Variants in CTRB2 observed in about 807,000 individuals in gnomAD.
CTRB2 encodes chymotrypsin B2.
A neutral mutation model predicts 19.3 loss-of-function variants in CTRB2; 9 were observed. That is an observed-to-expected ratio of 0.47 (90% CI 0.28 to 0.81). The LOEUF (loss-of-function observed/expected upper bound fraction) is 0.81, where lower values mean the gene tolerates loss of function less well. Ranked by LOEUF, CTRB2 falls within the 40% of genes least tolerant of loss-of-function variation. CTRB2 has a pLI of 0.11. For synonymous variants in CTRB2, 98 were observed against 117.3 expected (o/e 0.84, Z 1.06); for missense variants, 210 against 269.7 (o/e 0.78, Z 1.55).
At chr16:75,204,687 G>A in intron 6 of CTRB2, 86 bp downstream of exon 6, 2 of 1,547,034 alleles carry the variant, frequency 1.3e-6, no homozygotes, top group East Asian at 2.4e-5. Context: ...TGTGGGGTTA[G>A]TAGATGAGAG....
intron 1 of CTRB2, 152 bp downstream of exon 1, chr16:75,206,938 C>T: frequency 4.1e-6 from 3 of 737,806 alleles, no homozygotes; most frequent in East Asian, 2.8e-5. Context: ...GACCTCTCAG[C>T]GCCCACGGCA....
At chr16:75,204,486 G>A (rs1438663046) in intron 6 of CTRB2, among the ~76,000 whole-genome samples, 164 bp from the exon 7 acceptor site, 2 of 152,152 alleles carry the variant, frequency 1.3e-5, no homozygotes, top group Non-Finnish European at 2.9e-5. Flanking sequence ...CCCCCACTCT[G>A]CCATGCACTC....
At chr16:75,206,378 A>G in intron 1 of CTRB2, 185 bp from the exon 2 acceptor site, 2 of 640,066 alleles carry the variant, frequency 3.1e-6, no homozygotes, top group Non-Finnish European at 5.3e-6. Flanking sequence ...AACTGAGTCC[A>G]ATGAACTGGG....
rs2038870649 is a variant in CTRB2, at chr16:75,204,435, G to C, written c.631-113C>G. 5 of 1,099,112 alleles carry C rather than the reference G, an allele frequency of 4.5e-6. No individual in the cohort carries two copies. The South Asian group carries it at 7.4e-5, about 16-fold the overall frequency. 68.1% of individuals were successfully genotyped at this position (1,099,112 alleles called of 1,614,324 possible). The stretch of plus-strand genomic sequence containing the variant: ...CGGAGAAATGGTAAGCATGGGCATA[G>C]GGGCTGTGCCGGGGTCCTGAGATCT... On this transcript the variant is annotated intron_variant, in intron 6 of 6. Coordinates refer to ENST00000303037, the MANE Select transcript of CTRB2 (RefSeq NM_001025200.4).
intron 1 of CTRB2, chr16:75,206,706 G>C (rs1029420717): frequency 2.7e-6 from 1 of 365,220 alleles, no homozygotes; most frequent in South Asian, 2.4e-5. Flanking sequence ...TGGACTGAAC[G>C]GTGCCAAGCC....
chr16:75,207,044 A>T (rs1187532660), intron 1 of CTRB2, 46 bp downstream of exon 1: 2 of 1,528,880 alleles, frequency 1.3e-6, no homozygotes, highest in South Asian at 1.2e-5. Flanking sequence ...CGGGGCTGGG[A>T]GTGAGAGGAG....
chr16:75,206,980 A>G lies in CTRB2; in HGVS notation c.52+110T>C, dbSNP rs538212540. On this transcript the variant is annotated intron_variant, in intron 1 of 6. Transcript: ENST00000303037. ...GAGCCGGTGACTCGCCCAGGCCCAC[A>G]CTGCGGTGCACAGCTGAACTGGGAG... The G allele has an allele frequency of 8.6e-5, 91 of 1,059,106 alleles. No individual in the cohort carries two copies. In the African/African-American group the frequency reaches 1.1e-3, roughly 13 times the overall value. The allele number at this position is 1,059,106 out of a possible 1,614,324, so 65.6% of individuals were successfully genotyped here. A position where few individuals can be genotyped will look rare whatever the true frequency, so the allele number is the denominator to read the frequency against.
Position 75,205,466 on chromosome 16 carries a change from G to A in CTRB2, c.363C>T (p.Ile121=). 2.0e-6 allele frequency: 1 copy of A among 491,226 alleles called. No homozygotes were observed. Among genetic ancestry groups the A allele is most frequent in the South Asian group, 2.3e-5 (1 of 43,342 alleles). 30.4% of individuals were successfully genotyped at this position (491,226 alleles called of 1,614,324 possible). ...CAGGTGTGGCCAGCTTCAGCAGGGTGATGTCATTGTTCACGGTCAGAATGC... is the reference window on the plus strand; with the variant it reads ...CAGGTGTGGCCAGCTTCAGCAGGGTAATGTCATTGTTCACGGTCAGAATGC... ...KFSILTVNND[I]TLLKLATPAR... Residue 121 remains isoleucine (I), a synonymous_variant, in exon 5 of 7, where the codon ATC becomes ATT. Coordinates refer to ENST00000303037, the MANE Select transcript of CTRB2 (RefSeq NM_001025200.4).
Position 75,204,387 on chromosome 16 carries a change from C to A in CTRB2, c.631-65G>T, listed in dbSNP as rs138409831. ...GTGCCAGGGCCTAGGGGACCCTGAC[C>A]TGGTGGAGTCTAGGGAGGGGTGCGG... On this transcript the variant is annotated intron_variant, in intron 6 of 6. Coordinates refer to ENST00000303037, the MANE Select transcript of CTRB2 (RefSeq NM_001025200.4). The A allele has an allele frequency of 5.2e-5, 77 of 1,491,190 alleles. No homozygotes were observed. The African/African-American group carries it at 9.7e-4, about 19-fold the overall frequency. 92.4% of individuals were successfully genotyped at this position (1,491,190 alleles called of 1,614,324 possible). A position where few individuals can be genotyped will look rare whatever the true frequency, so the allele number is the denominator to read the frequency against.
rs4737 is a variant in CTRB2, at chr16:75,204,205, C to T, written c.748G>A (p.Ala250Thr). ...TTTPAVYARV[A>T]KLIPWVQKIL... Reference sequence around the variant, plus strand: ...TTCTGCACCCAGGGTATGAGCTTGGCGACACGGGCGTACACAGCGGGCGTG... The same window carrying T: ...TTCTGCACCCAGGGTATGAGCTTGGTGACACGGGCGTACACAGCGGGCGTG... Residue 250 changes from alanine to threonine, a missense_variant, in exon 7 of 7, where the codon GCC (alanine) becomes ACC (threonine). Physicochemically the swap from Ala to Thr is moderately conservative, Grantham distance 58. Coordinates refer to ENST00000303037, the MANE Select transcript of CTRB2 (RefSeq NM_001025200.4). 0.82 allele frequency: 1,321,350 copies of T among 1,613,872 alleles called. 544,465 individuals are homozygous for T. The highest frequency in any genetic ancestry group is 1 in the East Asian group (44,804 of 44,870).
chr16:75,205,064 G>A lies in CTRB2; in HGVS notation c.497-158C>T, dbSNP rs2038877771. 4.2e-5 allele frequency: 11 copies of A among 259,052 alleles called. 1 individual carries two copies. The highest frequency in any genetic ancestry group is 2.1e-4 in the East Asian group (3 of 14,104). 16.0% of individuals were successfully genotyped at this position (259,052 alleles called of 1,614,324 possible). ...AGCGCCTGTGGGACAAGGGGGCCTC[G>A]GCCCTGCCCGGGTGGGAGCCCCACG... On this transcript the variant is annotated intron_variant, in intron 5 of 6. Coordinates refer to ENST00000303037, the MANE Select transcript of CTRB2 (RefSeq NM_001025200.4).
chr16:75,204,887 C>T lies in CTRB2; in HGVS notation c.516G>A (p.Lys172=). 8.8e-7 allele frequency: 1 copy of T among 1,137,582 alleles called. No individual in the cohort carries two copies. The allele number at this position is 1,137,582 out of a possible 1,614,324, so 70.5% of individuals were successfully genotyped here. A position where few individuals can be genotyped will look rare whatever the true frequency, so the allele number is the denominator to read the frequency against. The change falls in exon 6 of 7, where the codon AAG becomes AAA. Residue 172 remains lysine, a synonymous_variant. Coordinates refer to ENST00000303037, the MANE Select transcript of CTRB2 (RefSeq NM_001025200.4). ...TKYNANKTPD[K]LQQAALPLLS... is the part of the protein sequence containing the mutation. Reference sequence around the variant, plus strand: ...GGAGGGGCAGGGCTGCCTGCTGCAGCTTGTCAGGGGTCTTGTTGGCTGCAG... The same window carrying T: ...GGAGGGGCAGGGCTGCCTGCTGCAGTTTGTCAGGGGTCTTGTTGGCTGCAG...
chr16:75,206,189 G>A lies in CTRB2; in HGVS notation c.57C>T (p.Cys19=), dbSNP rs3743611. The change falls in exon 2 of 7, where the codon TGC becomes TGT. Residue 19 remains cysteine, a synonymous_variant. Transcript: ENST00000303037. ...CWALLGTTFG[C]GVPAIHPVLS... ...GCACAGGGTGGATGGCGGGGACCCC[G>A]CAGCCTGGGGGCGGGAGTGGGCTGA... The A allele has an allele frequency of 5.2e-3, 8,035 of 1,557,378 alleles. 51 individuals are homozygous for A. Among genetic ancestry groups the A allele is most frequent in the Middle Eastern group, 0.046 (276 of 5,948 alleles).
At chr16:75,206,379 A>G (rs984256117) in intron 1 of CTRB2, 186 bp from the exon 2 acceptor site, 35 of 639,026 alleles carry the variant, frequency 5.5e-5, no homozygotes, top group African/African-American at 5.3e-4. Flanking sequence ...ACTGAGTCCA[A>G]TGAACTGGGC....
chr16:75,204,369 G>A (rs775446806), intron 6 of CTRB2, 47 bp from the exon 7 acceptor site: 8 of 1,587,550 alleles, frequency 5.0e-6, no homozygotes, highest in Non-Finnish European at 6.9e-6. Flanking sequence ...GGGGTGCCAG[G>A]GCCTAGGGGA....
rs1214158167 is a variant in CTRB2, at chr16:75,206,153, CAGG to C, written c.90_92del (p.Leu31del). 1 of 1,551,792 alleles carries C rather than the reference CAGG, an allele frequency of 6.4e-7. No individual in the cohort carries two copies. The highest frequency in any genetic ancestry group is 1.4e-5 in the African/African-American group (1 of 73,196). On this transcript the variant is annotated inframe_deletion, in exon 2 of 7. Transcript: ENST00000303037. ...CGTCCTCCCCATTCACGATCCTGGA[CAGG>C]CCGCTGAGCACAGGGTGGATGGCGG...
At position 75,206,945 on chromosome 16, in the gene CTRB2, G is replaced by C. The variant is rs969329078; in HGVS notation, c.52+145C>G. The C allele has an allele frequency of 5.4e-5, 42 of 779,524 alleles. No homozygotes were observed. In the African/African-American group the frequency reaches 6.8e-4, roughly 13 times the overall value. The allele number at this position is 779,524 out of a possible 1,614,324, so 48.3% of individuals were successfully genotyped here. ...GAGGCATTGACCTCTCAGCGCCCAC[G>C]GCAGAGATGGAGCCGGTGACTCGCC... On this transcript the variant is annotated intron_variant, in intron 1 of 6. Coordinates refer to ENST00000303037, the MANE Select transcript of CTRB2 (RefSeq NM_001025200.4).
chr16:75,206,496 A>C, intron 1 of CTRB2: 2 of 472,006 alleles, frequency 4.2e-6, no homozygotes, highest in African/African-American at 2.0e-5. Context: ...GGGAGGCCAG[A>C]CTCTGTGGGT....
rs758038062 is a variant in CTRB2, at chr16:75,204,716, C to G, written c.630+57G>C. The G allele has an allele frequency of 4.1e-4, 616 of 1,491,380 alleles. 1 individual carries two copies. The highest frequency in any genetic ancestry group is 5.4e-4 in the Non-Finnish European group (597 of 1,099,286). The allele number at this position is 1,491,380 out of a possible 1,614,324, so 92.4% of individuals were successfully genotyped here. A position where few individuals can be genotyped will look rare whatever the true frequency, so the allele number is the denominator to read the frequency against. On this transcript the variant is annotated intron_variant, in intron 6 of 6. Transcript: ENST00000303037. ...ATGAGAGCAGAGAGGGGTGGAAAGC[C>G]CAGACCTCCCCTGCACCCCGCTCGC...
Sources: allele counts gnomAD v4.1 joint callset (sites outside exome capture counted in the v4.1 genomes callset), GRCh38; gene constraint gnomAD v4.1.1; transcripts MANE v1.5; gene names NCBI Gene and HGNC (gene_info 2026-07-23, HGNC 2026-07-21).